Variants in LMO7 observed in about 807,000 individuals in gnomAD.
LMO7 encodes LIM domain only protein 7.
A neutral mutation model predicts 206.5 loss-of-function variants in LMO7; 120 were observed. The observed-to-expected ratio is 0.58, with a 90% CI of 0.50 to 0.68. LMO7 has a LOEUF of 0.68. Among genes scored for constraint, LMO7 ranks in the 30% least tolerant of loss-of-function variants. LMO7 has a pLI of 0.00. For synonymous variants in LMO7, 706 were observed against 681.5 expected (o/e 1.04, Z -0.56); for missense variants, 1,959 against 1,957.9 (o/e 1.00, Z -0.01).
intron 26 of LMO7, among the ~76,000 whole-genome samples, chr13:75,847,008 G>C (rs1287061849): frequency 6.7e-6 from 1 of 148,404 alleles, no homozygotes; most frequent in African/African-American, 2.5e-5. Context: ...TCCAGCCTGG[G>C]TGACGGAGCA....
intron 3 of LMO7, among the ~76,000 whole-genome samples, chr13:75,731,900 G>T (rs1384322176): frequency 6.6e-6 from 1 of 151,950 alleles, no homozygotes; most frequent in Non-Finnish European, 1.5e-5. Context: ...GCTTAGTTTG[G>T]CTGGATATGA....
At chr13:75,687,694 C>T (rs1302436936) in intron 1 of LMO7, among the ~76,000 whole-genome samples, 7 of 152,076 alleles carry the variant, frequency 4.6e-5, no homozygotes, top group Non-Finnish European at 1.0e-4. Flanking sequence ...ATTCTACTGT[C>T]TCCCACTAAA....
At chr13:75,648,058 C>T (rs1594046630) in intron 1 of LMO7, among the ~76,000 whole-genome samples, 1 of 146,742 alleles carries the variant, frequency 6.8e-6, no homozygotes, top group Non-Finnish European at 1.5e-5. Flanking sequence ...ACTGATCCTC[C>T]TGTCTGAGCC....
At chr13:75,803,309 A>T (rs1940728122) in intron 7 of LMO7, among the ~76,000 whole-genome samples, 1 of 152,108 alleles carries the variant, frequency 6.6e-6, no homozygotes, top group Non-Finnish European at 1.5e-5. Context: ...ACTGCATTTA[A>T]CTCAGGTTAA....
At chr13:75,670,718 G>GC (rs1162729847) in intron 1 of LMO7, among the ~76,000 whole-genome samples, 1 of 152,084 alleles carries the variant, frequency 6.6e-6, no homozygotes, top group African/African-American at 2.4e-5. Flanking sequence ...AAATGTAAAG[G>GC]CCTAGGACAT....
chr13:75,712,466 C>A (rs554320176), intron 1 of LMO7, among the ~76,000 whole-genome samples: 1 of 152,142 alleles, frequency 6.6e-6, no homozygotes, highest in Non-Finnish European at 1.5e-5. Flanking sequence ...GCCACCTCCC[C>A]CTTCAGAGAG....
intron 15 of LMO7, among the ~76,000 whole-genome samples, chr13:75,829,043 T>C (rs2058393967): frequency 6.6e-6 from 1 of 152,180 alleles, no homozygotes; most frequent in Admixed American, 6.5e-5. Flanking sequence ...AAGAACAGGT[T>C]TGGGCGGAAG....
At chr13:75,671,223 A>G (rs1283565798) in intron 1 of LMO7, among the ~76,000 whole-genome samples, 1 of 129,014 alleles carries the variant, frequency 7.8e-6, no homozygotes, top group Non-Finnish European at 1.8e-5. Context: ...TTTTTTTTTA[A>G]TAAGTACATT....
At chr13:75,806,654 G>A (rs530959989) in intron 9 of LMO7, 1 of 152,312 alleles carries the variant, frequency 6.6e-6, no homozygotes, top group South Asian at 2.1e-4. Flanking sequence ...AAATGCAAAG[G>A]GAAGATTCCT....
At chr13:75,711,621 C>G (rs572825657) in intron 1 of LMO7, among the ~76,000 whole-genome samples, 20 of 152,330 alleles carry the variant, frequency 1.3e-4, no homozygotes, top group Admixed American at 9.1e-4. Context: ...CTGCACCCCC[C>G]CTGTCCTGCA....
chr13:75,822,809 T>A (rs1186580186), intron 14 of LMO7, among the ~76,000 whole-genome samples: 2 of 104,506 alleles, frequency 1.9e-5, no homozygotes, highest in African/African-American at 6.9e-5. Context: ...TTCTAAAAAT[T>A]ATATATATAT....
At chr13:75,673,519 GCAACC>G (rs2039765230) in intron 1 of LMO7, among the ~76,000 whole-genome samples, 1 of 152,064 alleles carries the variant, frequency 6.6e-6, no homozygotes, top group Admixed American at 6.5e-5. Context: ...CAGCTACCTT[GCAACC>G]CTGAGGCAAC....
intron 1 of LMO7, among the ~76,000 whole-genome samples, chr13:75,649,345 T>A (rs2037342854): frequency 6.6e-6 from 1 of 152,048 alleles, no homozygotes; most frequent in Non-Finnish European, 1.5e-5. Context: ...AAAGGGGCGG[T>A]GATGGTCAAA....
At chr13:75,726,269 A>C (rs1188573309) in intron 2 of LMO7, among the ~76,000 whole-genome samples, 2 of 152,064 alleles carry the variant, frequency 1.3e-5, no homozygotes, top group African/African-American at 4.8e-5. Flanking sequence ...AGAAAAAAGA[A>C]TTCATAATAA....
intron 26 of LMO7, among the ~76,000 whole-genome samples, chr13:75,847,512 C>T (rs1451473616): frequency 6.6e-6 from 1 of 152,182 alleles, no homozygotes; most frequent in Non-Finnish European, 1.5e-5. Context: ...CTTACTCTTA[C>T]AATTTTGGTT....
At chr13:75,830,171 T>C (rs538370119) in intron 15 of LMO7, among the ~76,000 whole-genome samples, 1 of 152,310 alleles carries the variant, frequency 6.6e-6, no homozygotes, top group African/African-American at 2.4e-5. Context: ...CCTGAAATCA[T>C]TGATGAACAA....
In LMO7 at chr13:75,805,690, G is replaced by A. The variant is rs896822745; in HGVS notation, c.1126G>A (p.Glu376Lys). The change falls in exon 9 of 31, where the codon GAA becomes AAA. Residue 376 changes from glutamate (E) to lysine (K), a missense_variant. Glu to Lys is a moderately conservative substitution (Grantham distance 56). Coordinates refer to ENST00000377534, the MANE Select transcript of LMO7 (RefSeq NM_001306080.2). ...DQFLPKCWTP[E>K]DVNWKRIKRE... is the part of the protein sequence containing the mutation. ...GTTTCTTCCCAAATGTTGGACCCCA[G>A]AAGATGTGAACTGGAAAAGAATAAA... 8 of 1,613,908 alleles carry A rather than the reference G, an allele frequency of 5.0e-6. No individual in the cohort carries two copies. In the African/African-American group the frequency reaches 5.3e-5, roughly 11 times the overall value.
chr13:75,701,091 G>A (rs929704906), intron 1 of LMO7, among the ~76,000 whole-genome samples: 3 of 151,762 alleles, frequency 2.0e-5, no homozygotes, highest in African/African-American at 7.3e-5. Context: ...TTGTGTGGAG[G>A]TATGCTTTCA....
At chr13:75,856,738 T>C in intron 30 of LMO7, 130 bp downstream of exon 30, 1 of 650,152 alleles carries the variant, frequency 1.5e-6, no homozygotes, top group South Asian at 1.7e-5. Context: ...TCAAGAATTG[T>C]AGTGTGTTCC....
Sources: gnomAD v4.1 joint callset for allele counts (sites outside exome capture counted in the v4.1 genomes callset) on GRCh38, gnomAD v4.1.1 for gene constraint, MANE v1.5 for transcripts, NCBI Gene and HGNC (gene_info 2026-07-23, HGNC 2026-07-21) for gene names.